ETS2: variants seen among roughly 807,000 people sequenced by gnomAD.
ETS2 encodes the protein protein C-ets-2.
ETS2 carries 19 observed loss-of-function variants against 54.9 expected under a neutral mutation model. That is an observed-to-expected ratio of 0.35 (90% CI 0.24 to 0.51). The LOEUF (loss-of-function observed/expected upper bound fraction) is 0.51. Ranked by LOEUF, ETS2 falls within the 20% of genes least tolerant of loss-of-function variation. The pLI, the probability that ETS2 is intolerant of heterozygous loss-of-function variation, is 0.97. For missense variants in ETS2, 417 were observed against 593.0 expected (o/e 0.70, Z 3.08); for synonymous variants, 219 against 229.3 (o/e 0.95, Z 0.41).
upstream of ETS2, chr21:38,805,719 A>G (rs1486464135): frequency 4.7e-5 from 39 of 833,420 alleles, 1 homozygote; most frequent in Non-Finnish European, 5.8e-5. The surrounding 1 kb of genome is among the most constrained non-coding windows in gnomAD (Gnocchi z 5.2). Context: ...CGCTCCCCCA[A>G]CCCTCCTGCT....
Position 38,824,191 on chromosome 21 carries a change from TTGTTCACTCG to T in ETS2, c.*1306_*1315del, listed in dbSNP as rs1466359487. The T allele has an allele frequency of 1.3e-5, 2 of 152,660 alleles. No individual in the cohort carries two copies. Among genetic ancestry groups the T allele is most frequent in the African/African-American group, 2.4e-5 (1 of 41,456 alleles). 9.5% of individuals were successfully genotyped at this position (152,660 alleles called of 1,614,324 possible). On this transcript the variant is annotated 3_prime_UTR_variant, in exon 10 of 10. Transcript: ENST00000360938. Reference sequence around the variant, plus strand: ...GAACGAAGCACAGTTTGTCCCATCTTTGTTCACTCGTGTGTCTCAACCATCTTAATAGCAT... The same window carrying T: ...GAACGAAGCACAGTTTGTCCCATCTTTGTGTCTCAACCATCTTAATAGCAT...
chr21:38,816,954 T>C, intron 5 of ETS2, 54 bp from the exon 6 acceptor site: 1 of 913,920 alleles, frequency 1.1e-6, no homozygotes, highest in Non-Finnish European at 1.8e-6. Context: ...CAATTTGTTC[T>C]GTGTAGTTTT....
At position 38,806,505 on chromosome 21, in the gene ETS2, T is replaced by C; in HGVS notation, c.-1+385T>C. Reference sequence around the variant, plus strand: ...CAGTGGATGTCCCGGCGAACATGATTTCGCGAACGGGAGTGGGGGCACAGG... The same window carrying C: ...CAGTGGATGTCCCGGCGAACATGATCTCGCGAACGGGAGTGGGGGCACAGG... On this transcript the variant is annotated intron_variant, in intron 1 of 9. Transcript: ENST00000360938. The surrounding 1 kb of genome is among the most constrained non-coding windows in gnomAD (Gnocchi z 4.3). The C allele has an allele frequency of 6.1e-6, 6 of 985,466 alleles. No individual in the cohort carries two copies. The highest frequency in any genetic ancestry group is 7.2e-6 in the Non-Finnish European group (6 of 829,972). 61.0% of individuals were successfully genotyped at this position (985,466 alleles called of 1,614,324 possible).
At chr21:38,811,316 C>T (rs986057698) in intron 2 of ETS2, among the ~76,000 whole-genome samples, 1 of 152,190 alleles carries the variant, frequency 6.6e-6, no homozygotes, top group African/African-American at 2.4e-5. Flanking sequence ...TTTGTAAATC[C>T]AGATGAGTAA....
At chr21:38,820,555 G>C (rs1174547124) in intron 8 of ETS2, among the ~76,000 whole-genome samples, 1 of 152,192 alleles carries the variant, frequency 6.6e-6, no homozygotes, top group African/African-American at 2.4e-5. Context: ...CATAACGTTA[G>C]TGTGGTTCAT....
In ETS2 at chr21:38,817,061, G is replaced by T. The variant is rs372145357; in HGVS notation, c.559G>T (p.Val187Phe). The T allele has an allele frequency of 2.5e-6, 4 of 1,612,130 alleles. No individual in the cohort carries two copies. The South Asian group carries it at 3.3e-5, about 13-fold the overall frequency. Residue 187 changes from valine (V) to phenylalanine (F), a missense_variant, in exon 6 of 10, where the codon GTT becomes TTT. This residue lies in a region of ETS2 where 326 missense variants were observed against 426.1 expected (regional missense o/e 0.76). Coordinates refer to ENST00000360938, the MANE Select transcript of ETS2 (RefSeq NM_005239.6). ...QYEENSHLTS[V>F]PHWINSNTLG... Reference sequence around the variant, plus strand: ...TGAAGAAAATTCACACCTCACCTCCGTTCCTCATTGGATTAACAGCAATAC... The same window carrying T: ...TGAAGAAAATTCACACCTCACCTCCTTTCCTCATTGGATTAACAGCAATAC...
At chr21:38,811,805 C>T (rs998090791) in intron 2 of ETS2, among the ~76,000 whole-genome samples, 1 of 152,056 alleles carries the variant, frequency 6.6e-6, no homozygotes, top group African/African-American at 2.4e-5. Context: ...GAAATCTTTC[C>T]CCTTAGTAGG....
intron 1 of ETS2, 186 bp from the exon 2 acceptor site, chr21:38,809,849 T>C (rs746348522): frequency 2.3e-5 from 12 of 526,984 alleles, no homozygotes; most frequent in Non-Finnish European, 3.3e-5. Flanking sequence ...CCCATTGTGA[T>C]ACTGAGAAAT....
chr21:38,818,502 C>A lies in ETS2; in HGVS notation c.667C>A (p.Pro223Thr), dbSNP rs771905336. Residue 223 changes from proline (P) to threonine (T), a missense_variant, in exon 7 of 10, where the codon CCG becomes ACG. Physicochemically the swap from Pro to Thr is conservative, Grantham distance 38. This residue lies in a region of ETS2 where 326 missense variants were observed against 426.1 expected (regional missense o/e 0.76). Coordinates refer to ENST00000360938, the MANE Select transcript of ETS2 (RefSeq NM_005239.6). ...AGGCGGCCTCCTGGACAGCATGTGTCCGGCCTCCACACCCAGCGTACTCAG... is the reference window on the plus strand; with the variant it reads ...AGGCGGCCTCCTGGACAGCATGTGTACGGCCTCCACACCCAGCGTACTCAG... Reference protein sequence around the residue: ...PKGGLLDSMCPASTPSVLSSE... With the variant: ...PKGGLLDSMCTASTPSVLSSE... 9 of 1,614,018 alleles carry A rather than the reference C, an allele frequency of 5.6e-6. 1 individual carries two copies. The South Asian group carries it at 9.9e-5, about 18-fold the overall frequency.
chr21:38,810,193 C>A, intron 2 of ETS2, 87 bp downstream of exon 2: 1 of 739,888 alleles, frequency 1.4e-6, no homozygotes, highest in Non-Finnish European at 2.2e-6. Flanking sequence ...TCCCAGAAAA[C>A]TGGTTGTAGC....
intron 1 of ETS2, among the ~76,000 whole-genome samples, chr21:38,809,475 C>T (rs1465197075): frequency 1.3e-5 from 2 of 152,184 alleles, no homozygotes; most frequent in Non-Finnish European, 2.9e-5. Context: ...CTTCAGTTCT[C>T]CCTTTGATCC....
intron 3 of ETS2, 147 bp downstream of exon 3, chr21:38,813,261 G>A (rs1414021769): frequency 3.1e-6 from 2 of 646,126 alleles, no homozygotes; most frequent in African/African-American, 3.6e-5. Flanking sequence ...GGAGAAGGCA[G>A]TTTTTCATTT....
intron 5 of ETS2, among the ~76,000 whole-genome samples, chr21:38,815,302 G>T (rs2060928869): frequency 6.6e-6 from 1 of 152,072 alleles, no homozygotes; most frequent in African/African-American, 2.4e-5. Context: ...ACTCAGATAT[G>T]TAGGACAGCA....
rs186217953 is a variant in ETS2, at chr21:38,811,379, A to G, written c.72+1273A>G. Among the ~76,000 whole-genome samples, 253 of 152,304 alleles carry G rather than the reference A, an allele frequency of 1.7e-3. 5 individuals are homozygous for G. Among genetic ancestry groups the G allele is most frequent in the Admixed American group, 4.1e-3 (62 of 15,302 alleles). On this transcript the variant is annotated intron_variant, in intron 2 of 9. Transcript: ENST00000360938. ...CCTCGTAGATCTCAGGCAGTTGGTCATCATTGACTTGGATTTTTTTGGGCT... is the reference window on the plus strand; with the variant it reads ...CCTCGTAGATCTCAGGCAGTTGGTCGTCATTGACTTGGATTTTTTTGGGCT...
chr21:38,815,091 G>A, intron 5 of ETS2, 110 bp downstream of exon 5: 2 of 1,034,988 alleles, frequency 1.9e-6, no homozygotes, highest in South Asian at 1.4e-5. Context: ...CACTTGAAAT[G>A]ACATAGAGTA....
rs1430254787 is a variant in ETS2, at chr21:38,822,905, C to A, written c.*16C>A. Reference sequence around the variant, plus strand: ...GGAGGACTGAGGTCGCCGGGACCACCCTGAGCCGGCCCCAGGCTCGTGGAC... The same window carrying A: ...GGAGGACTGAGGTCGCCGGGACCACACTGAGCCGGCCCCAGGCTCGTGGAC... On this transcript the variant is annotated 3_prime_UTR_variant, in exon 10 of 10. Transcript: ENST00000360938. 5.8e-6 allele frequency: 9 copies of A among 1,538,510 alleles called. No homozygotes were observed. The South Asian group carries it at 8.8e-5, about 15-fold the overall frequency.
chr21:38,822,891 G>A lies in ETS2; in HGVS notation c.*2G>A. 6.4e-7 allele frequency: 1 copy of A among 1,567,054 alleles called. No individual in the cohort carries two copies. The highest frequency in any genetic ancestry group is 8.7e-7 in the Non-Finnish European group (1 of 1,153,668). ...GTCCAGCCCGACACGGAGGACTGAGGTCGCCGGGACCACCCTGAGCCGGCC... is the reference window on the plus strand; with the variant it reads ...GTCCAGCCCGACACGGAGGACTGAGATCGCCGGGACCACCCTGAGCCGGCC... On this transcript the variant is annotated 3_prime_UTR_variant, in exon 10 of 10. Transcript: ENST00000360938.
At chr21:38,810,377 C>T (rs574725319) in intron 2 of ETS2, among the ~76,000 whole-genome samples, 21 of 152,266 alleles carry the variant, frequency 1.4e-4, no homozygotes, top group African/African-American at 4.6e-4. Context: ...AGGTGAAAAT[C>T]CTATAACTCC....
At chr21:38,811,797 A>T (rs1187910260) in intron 2 of ETS2, among the ~76,000 whole-genome samples, 1 of 152,152 alleles carries the variant, frequency 6.6e-6, no homozygotes, top group Non-Finnish European at 1.5e-5. Flanking sequence ...TTCCTTTGGA[A>T]ATCTTTCCCC....
Sources: gnomAD v4.1 joint callset for allele counts (sites outside exome capture counted in the v4.1 genomes callset) on GRCh38, gnomAD v4.1.1 for gene constraint, gnomAD v4.1.1 regional missense constraint, Gnocchi (gnomAD v3.1) non-coding constraint, MANE v1.5 for transcripts, NCBI Gene and HGNC (gene_info 2026-07-23, HGNC 2026-07-21) for gene names.